Variants in TRPM6 observed in about 807,000 individuals in gnomAD.
TRPM6 encodes the protein transient receptor potential cation channel subfamily M member 6.
Under a neutral mutation model 247.6 loss-of-function variants are expected in TRPM6, and 111 were observed. That is an observed-to-expected ratio of 0.45 (90% CI 0.38 to 0.52). The LOEUF is 0.52. Ranked by LOEUF, TRPM6 falls within the 20% of genes least tolerant of loss-of-function variation. TRPM6 has a pLI of 0.00. For missense variants in TRPM6, 2,126 were observed against 2,421.5 expected, an observed-to-expected ratio of 0.88 and a Z score of 2.56; for synonymous variants, 892 against 853.8, an observed-to-expected ratio of 1.04 and a Z score of -0.78.
chr9:74,728,495 T>A (rs1825408992), intron 37 of TRPM6, 150 bp from the exon 38 acceptor site: 2 of 670,660 alleles, frequency 3.0e-6, no homozygotes, highest in Admixed American at 2.4e-5. Flanking sequence ...AACAACAATG[T>A]TAGGTTTGCA....
intron 23 of TRPM6, among the ~76,000 whole-genome samples, chr9:74,776,594 G>C (rs1399791683): frequency 6.6e-6 from 1 of 152,148 alleles, no homozygotes; most frequent in Non-Finnish European, 1.5e-5. Context: ...TTAAAATCCA[G>C]ACAAATTATT....
At chr9:74,755,576 T>C in intron 27 of TRPM6, 103 bp from the exon 28 acceptor site, 2 of 1,407,110 alleles carry the variant, frequency 1.4e-6, no homozygotes, top group Non-Finnish European at 2.0e-6. Flanking sequence ...CTGTTAACAC[T>C]GGCTGCATAT....
intron 20 of TRPM6, among the ~76,000 whole-genome samples, chr9:74,786,716 G>A (rs1827688064): frequency 6.6e-6 from 1 of 152,098 alleles, no homozygotes; most frequent in Non-Finnish European, 1.5e-5. Context: ...CTCCAGCCTG[G>A]GTGACAGAGC....
intron 5 of TRPM6, among the ~76,000 whole-genome samples, chr9:74,837,977 G>C (rs1425026172): frequency 6.6e-6 from 1 of 150,932 alleles, no homozygotes; most frequent in Non-Finnish European, 1.5e-5. Flanking sequence ...TCGAACTCCT[G>C]AGCTCAGGCA....
At chr9:74,816,233 G>A (rs951567307) in intron 11 of TRPM6, among the ~76,000 whole-genome samples, 13 of 152,030 alleles carry the variant, frequency 8.6e-5, no homozygotes, top group African/African-American at 3.1e-4. Context: ...GTTGGGCATG[G>A]TGGCATGCGC....
intron 1 of TRPM6, among the ~76,000 whole-genome samples, chr9:74,865,474 T>C (rs536373351): frequency 1.6e-4 from 25 of 152,316 alleles, no homozygotes; most frequent in Non-Finnish European, 2.8e-4. Context: ...CCTTTATGAG[T>C]GTACTTTACA....
chr9:74,874,497 C>T (rs969442477), intron 1 of TRPM6, among the ~76,000 whole-genome samples: 2 of 152,134 alleles, frequency 1.3e-5, no homozygotes, highest in Non-Finnish European at 1.5e-5. Context: ...CCATATAATG[C>T]CTTTCTTTAA....
intron 20 of TRPM6, among the ~76,000 whole-genome samples, chr9:74,786,347 C>A (rs1361663945): frequency 6.6e-6 from 1 of 152,232 alleles, no homozygotes; most frequent in Non-Finnish European, 1.5e-5. Flanking sequence ...ACCAGATTGT[C>A]ACTTGAAACT....
intron 1 of TRPM6, chr9:74,887,388 G>A (rs1237344503): frequency 7.2e-7 from 1 of 1,387,482 alleles, no homozygotes; most frequent in Non-Finnish European, 9.5e-7. Flanking sequence ...TGAGATCTGT[G>A]CCCGTGGCAG....
At chr9:74,755,256 T>C (rs896700649) in intron 28 of TRPM6, 97 bp downstream of exon 28, 19 of 1,265,482 alleles carry the variant, frequency 1.5e-5, no homozygotes, top group South Asian at 1.3e-4. Flanking sequence ...CTCATCTCCA[T>C]GTGAAAGAAC....
intron 1 of TRPM6, among the ~76,000 whole-genome samples, chr9:74,866,482 T>C (rs1830848849): frequency 6.6e-6 from 1 of 152,052 alleles, no homozygotes; most frequent in Non-Finnish European, 1.5e-5. Flanking sequence ...TTTTTTGTTT[T>C]TTGTTTTTTT....
chr9:74,874,447 C>A (rs1276425433), intron 1 of TRPM6, among the ~76,000 whole-genome samples: 1 of 152,110 alleles, frequency 6.6e-6, no homozygotes, highest in Non-Finnish European at 1.5e-5. Context: ...ACTGCCTGTA[C>A]TTTCAGTGCA....
intron 1 of TRPM6, among the ~76,000 whole-genome samples, chr9:74,862,956 G>C (rs1830734588): frequency 6.6e-6 from 1 of 151,942 alleles, no homozygotes; most frequent in Non-Finnish European, 1.5e-5. Context: ...ACTCCAGCCT[G>C]GGTGACAGAA....
In TRPM6 at chr9:74,812,287, T is replaced by C; in HGVS notation, c.1443+12A>G. Reference sequence around the variant, plus strand: ...CTGGAGGGAAATGATTGATGAAATGTTCCATACTCACTGTATTGTAGAGCT... The same window carrying C: ...CTGGAGGGAAATGATTGATGAAATGCTCCATACTCACTGTATTGTAGAGCT... On this transcript the variant is annotated intron_variant, in intron 12 of 38. Transcript: ENST00000360774. The C allele has an allele frequency of 1.2e-6, 2 of 1,613,422 alleles. No homozygotes were observed. The highest frequency in any genetic ancestry group is 1.7e-6 in the Non-Finnish European group (2 of 1,179,808).
At chr9:74,884,294 T>C (rs1029301175) in intron 1 of TRPM6, among the ~76,000 whole-genome samples, 7 of 151,554 alleles carry the variant, frequency 4.6e-5, no homozygotes, top group African/African-American at 1.7e-4. Flanking sequence ...ATCAAGACCA[T>C]CCTGCATAAC....
At chr9:74,833,121 C>T (rs567489523) in intron 6 of TRPM6, among the ~76,000 whole-genome samples, 4 of 152,020 alleles carry the variant, frequency 2.6e-5, no homozygotes, top group East Asian at 1.9e-4. Flanking sequence ...GAAATAACTA[C>T]GGCAAATAGG....
At chr9:74,815,581 C>T (rs1328849748) in intron 11 of TRPM6, among the ~76,000 whole-genome samples, 3 of 152,108 alleles carry the variant, frequency 2.0e-5, no homozygotes, top group South Asian at 2.1e-4. Flanking sequence ...GGGTGCATCC[C>T]GGGATGACAG....
chr9:74,828,029 T>G, intron 6 of TRPM6, 80 bp from the exon 7 acceptor site: 21 of 1,445,980 alleles, frequency 1.5e-5, no homozygotes, highest in East Asian at 2.3e-5. Flanking sequence ...CCTATCTTTA[T>G]GTGCTAAAAG....
intron 1 of TRPM6, among the ~76,000 whole-genome samples, chr9:74,872,251 G>T (rs1831050647): frequency 6.6e-6 from 1 of 152,068 alleles, no homozygotes; most frequent in Admixed American, 6.6e-5. Context: ...CTCCCAAAGT[G>T]CTGGAATTAC....
Sources: gnomAD v4.1 joint callset for allele counts (sites outside exome capture counted in the v4.1 genomes callset) on GRCh38, gnomAD v4.1.1 for gene constraint, MANE v1.5 for transcripts, NCBI Gene and HGNC (gene_info 2026-07-23, HGNC 2026-07-21) for gene names.